The following DOCK5 variants were observed in gnomAD, a reference collection of about 807,000 sequenced individuals.
DOCK5 encodes dedicator of cytokinesis 5.
Under a neutral mutation model 251.8 loss-of-function variants are expected in DOCK5, and 142 were observed. The ratio of observed to expected loss-of-function variants is 0.56; its 90% CI spans 0.49 to 0.65. The LOEUF (loss-of-function observed/expected upper bound fraction) is 0.65. Ranked by LOEUF, DOCK5 falls within the 30% of genes least tolerant of loss-of-function variation. The pLI is 0.00. For missense variants in DOCK5, 2,111 were observed against 2,312.3 expected, an observed-to-expected ratio of 0.91 and a Z score of 1.79; for synonymous variants, 842 against 835.5, an observed-to-expected ratio of 1.01 and a Z score of -0.13.
chr8:25,358,147 T>C (rs746839948), intron 27 of DOCK5, among the ~76,000 whole-genome samples: 2 of 152,096 alleles, frequency 1.3e-5, no homozygotes, highest in Non-Finnish European at 2.9e-5. Context: ...TGAGACTGGG[T>C]AGTTTATAAA....
intron 28 of DOCK5, among the ~76,000 whole-genome samples, chr8:25,360,925 G>A (rs1055280770): frequency 2.0e-5 from 3 of 152,094 alleles, no homozygotes; most frequent in Admixed American, 6.6e-5. Flanking sequence ...TCCTCCAGCT[G>A]TATTATGTAA....
chr8:25,275,373 C>A lies in DOCK5; in HGVS notation c.169-13C>A, dbSNP rs745530373. 1.3e-6 allele frequency: 2 copies of A among 1,592,518 alleles called. No individual in the cohort carries two copies. The highest frequency in any genetic ancestry group is 8.5e-7 in the Non-Finnish European group (1 of 1,174,018). On this transcript the variant is annotated splice_polypyrimidine_tract_variant and intron_variant, in intron 3 of 51. Transcript: ENST00000276440. ...TTTTTATGGCCATATAACCAAAATT[C>A]TTTTCTCTGTAGGGCATTTTCCCTG...
At position 25,411,778 on chromosome 8, in the gene DOCK5, A is replaced by T. The variant is rs949349509; in HGVS notation, c.*480A>T. 2 of 152,966 alleles carry T rather than the reference A, an allele frequency of 1.3e-5. No homozygotes were observed. The highest frequency in any genetic ancestry group is 4.8e-5 in the African/African-American group (2 of 41,510). 9.5% of individuals were successfully genotyped at this position (152,966 alleles called of 1,614,324 possible). On this transcript the variant is annotated 3_prime_UTR_variant, in exon 52 of 52. Transcript: ENST00000276440. Reference sequence around the variant, plus strand: ...TGCATCTTGGAAGAGATGGATATCAAGTACACTTTGGTAGCTGAAATAATC... The same window carrying T: ...TGCATCTTGGAAGAGATGGATATCATGTACACTTTGGTAGCTGAAATAATC...
At chr8:25,231,595 T>G (rs1461021193) in intron 1 of DOCK5, among the ~76,000 whole-genome samples, 6 of 152,224 alleles carry the variant, frequency 3.9e-5, no homozygotes, top group African/African-American at 1.4e-4. Flanking sequence ...GCAAATGCCT[T>G]AAGATTTTCT....
At chr8:25,188,277 A>G (rs940809134) in intron 1 of DOCK5, among the ~76,000 whole-genome samples, 1 of 152,246 alleles carries the variant, frequency 6.6e-6, no homozygotes, top group Non-Finnish European at 1.5e-5. Context: ...ACAAGGAAGC[A>G]TGGAGCAGAC....
At chr8:25,330,314 C>T (rs1805653977) in intron 18 of DOCK5, among the ~76,000 whole-genome samples, 1 of 152,158 alleles carries the variant, frequency 6.6e-6, no homozygotes. Flanking sequence ...ATGTATTGAA[C>T]ACCTAATAGA....
chr8:25,365,718 G>A (rs888878600), intron 30 of DOCK5, among the ~76,000 whole-genome samples: 1 of 152,150 alleles, frequency 6.6e-6, no homozygotes, highest in Non-Finnish European at 1.5e-5. Context: ...AGTGCAAAGG[G>A]GTAGCCTCTG....
chr8:25,350,264 A>G (rs1161090265), intron 26 of DOCK5, among the ~76,000 whole-genome samples: 1 of 152,216 alleles, frequency 6.6e-6, no homozygotes, highest in East Asian at 1.9e-4. Context: ...AATAGCAATG[A>G]TTTAGTTATT....
intron 13 of DOCK5, among the ~76,000 whole-genome samples, chr8:25,316,621 A>G (rs1048355820): frequency 4.6e-5 from 7 of 152,252 alleles, no homozygotes; most frequent in Non-Finnish European, 1.0e-4. Context: ...CACAGCATAT[A>G]ATAAGCACTC....
intron 13 of DOCK5, among the ~76,000 whole-genome samples, chr8:25,316,116 CAAAA>C (rs1563199398): frequency 6.6e-6 from 1 of 151,218 alleles, no homozygotes; most frequent in South Asian, 2.1e-4. Flanking sequence ...TGCTGGGTAA[CAAAA>C]AAGAAAAAGA....
At chr8:25,395,361 A>G (rs1041174220) in intron 44 of DOCK5, among the ~76,000 whole-genome samples, 182 bp from the exon 45 acceptor site, 2 of 152,182 alleles carry the variant, frequency 1.3e-5, no homozygotes, top group African/African-American at 4.8e-5. Flanking sequence ...CTAATAGGCC[A>G]CGGACTGATA....
intron 37 of DOCK5, chr8:25,375,680 A>G (rs1353014144): frequency 6.1e-6 from 6 of 982,834 alleles, no homozygotes; most frequent in Non-Finnish European, 7.2e-6. Flanking sequence ...TACAGTTTAT[A>G]TTTTATACTA....
At chr8:25,217,073 A>ATAATATG (rs1333867121) in intron 1 of DOCK5, among the ~76,000 whole-genome samples, 28 of 148,664 alleles carry the variant, frequency 1.9e-4, no homozygotes, top group Admixed American at 6.1e-4. Flanking sequence ...ATATGTATAT[A>ATAATATG]TGTATATATA....
chr8:25,296,461 A>G lies in DOCK5; in HGVS notation c.471-52A>G, dbSNP rs1804616903. ...GGCTCCTTGACAAGGACTCCTCAGT[A>G]AAAAGTCTGCCCCTGGTGAGGAGAA... On this transcript the variant is annotated intron_variant, in intron 6 of 51. Transcript: ENST00000276440. 5 of 1,574,938 alleles carry G rather than the reference A, an allele frequency of 3.2e-6. No homozygotes were observed. In the South Asian group the frequency reaches 4.7e-5, roughly 15 times the overall value.
rs56687628 is a variant in DOCK5 at position 25,282,849 on chromosome 8, C to CAAAAAAA, written c.321+4209_321+4215dup. 5.9e-3 allele frequency among the ~76,000 whole-genome samples: 235 copies of CAAAAAAA among 39,618 alleles called. 17 individuals carry two copies. Among genetic ancestry groups the CAAAAAAA allele is most frequent in the African/African-American group, 0.019 (217 of 11,548 alleles). 26.0% of individuals were successfully genotyped at this position (39,618 alleles called of 152,430 possible). On this transcript the variant is annotated intron_variant, in intron 5 of 51. Transcript: ENST00000276440. ...TGGGTGACACAGTAAGACCCTTTCTCAAAAAAAAAAAAAAAAAAAAAAAAA... is the reference window on the plus strand; with the variant it reads ...TGGGTGACACAGTAAGACCCTTTCTCAAAAAAAAAAAAAAAAAAAAAAAAAAAAAAAA...
chr8:25,279,469 G>GT (rs1236961381), intron 5 of DOCK5, among the ~76,000 whole-genome samples: 3,099 of 142,206 alleles, frequency 0.022, 86 homozygotes, highest in African/African-American at 0.062. Context: ...TTTCCTTAAT[G>GT]TTTTTTTTTT....
intron 2 of DOCK5, among the ~76,000 whole-genome samples, chr8:25,244,818 T>TG (rs1803054631): frequency 1.3e-5 from 2 of 152,234 alleles, no homozygotes; most frequent in South Asian, 4.1e-4. Flanking sequence ...GGCAGAGGGC[T>TG]GGGGTTTCAC....
chr8:25,337,248 G>A (rs1234164268), intron 22 of DOCK5, among the ~76,000 whole-genome samples: 2 of 151,912 alleles, frequency 1.3e-5, no homozygotes, highest in Non-Finnish European at 2.9e-5. Context: ...ACACATGCAT[G>A]CACACACACA....
Position 25,302,375 on chromosome 8 carries a change from G to A in DOCK5, c.897G>A (p.Gln299=). 6.2e-7 allele frequency: 1 copy of A among 1,612,524 alleles called. No individual in the cohort carries two copies. Among genetic ancestry groups the A allele is most frequent in the Non-Finnish European group, 8.5e-7 (1 of 1,179,348 alleles). ...GGCCCCGCGTCAGCCTTGTGTGCCA[G>A]ATTGTCCGCGTGGGCCATATGGAGC... ...LIRPRVSLVC[Q]IVRVGHMELK... is the part of the protein sequence containing the mutation. Residue 299 remains glutamine, a synonymous_variant, in exon 10 of 52, where the codon CAG becomes CAA. Coordinates refer to ENST00000276440, the MANE Select transcript of DOCK5 (RefSeq NM_024940.8).
Sources: allele counts gnomAD v4.1 joint callset (sites outside exome capture counted in the v4.1 genomes callset), GRCh38; gene constraint gnomAD v4.1.1; transcripts MANE v1.5; gene names NCBI Gene and HGNC (gene_info 2026-07-23, HGNC 2026-07-21).